The following TFAP2D variants were observed in gnomAD, a reference collection of about 807,000 sequenced individuals.
TFAP2D encodes the protein transcription factor AP-2-delta.
In TFAP2D, 9 loss-of-function variants were observed where a neutral mutation model predicts 43.6. The observed-to-expected ratio is 0.21, with a 90% confidence interval of 0.12 to 0.36. The LOEUF (loss-of-function observed/expected upper bound fraction) is 0.36, where lower values mean the gene tolerates loss of function less well. Ranked by LOEUF, TFAP2D falls within the 10% of genes least tolerant of loss-of-function variation. The probability of loss-of-function intolerance (pLI) is 1.00; values close to 1 mark genes in which losing one functional copy is unlikely to be tolerated. For synonymous variants in TFAP2D, 256 were observed against 224.9 expected, an observed-to-expected ratio of 1.14 and a Z score of -1.24; for missense variants, 513 against 561.4, an observed-to-expected ratio of 0.91 and a Z score of 0.87.
At position 50,766,654 on chromosome 6, in the gene TFAP2D, C is replaced by CTTTTTTTTTTTTTTTT. The variant is rs763018088; in HGVS notation, c.1140-5981_1140-5966dup. ...CCTTTTGATACCATGAGATTGCTTT[C>CTTTTTTTTTTTTTTTT]TTTTTTTTTTTTTTTTTTTTTTTTT... On this transcript the variant is annotated intron_variant, in intron 7 of 7. Coordinates refer to ENST00000008391, the MANE Select transcript of TFAP2D (RefSeq NM_172238.4). 1.4e-4 allele frequency among the ~76,000 whole-genome samples: 8 copies of CTTTTTTTTTTTTTTTT among 57,388 alleles called. 2 individuals are homozygous for CTTTTTTTTTTTTTTTT. Among genetic ancestry groups the CTTTTTTTTTTTTTTTT allele is most frequent in the Non-Finnish European group, 2.1e-4 (6 of 28,476 alleles). The allele number at this position is 57,388 out of a possible 152,430, so 37.6% of individuals were successfully genotyped here. A position where few individuals can be genotyped will look rare whatever the true frequency, so the allele number is the denominator to read the frequency against.
chr6:50,726,418 C>CAG (rs1172648998), intron 3 of TFAP2D, among the ~76,000 whole-genome samples: 4 of 152,184 alleles, frequency 2.6e-5, no homozygotes, highest in African/African-American at 9.7e-5. Context: ...TTATCATAAA[C>CAG]TTGAAGCTAA....
At chr6:50,763,232 C>A (rs1769390028) in intron 7 of TFAP2D, among the ~76,000 whole-genome samples, 1 of 152,090 alleles carries the variant, frequency 6.6e-6, no homozygotes, top group African/African-American at 2.4e-5. Context: ...AGCTAAAAAT[C>A]TATGATGCCT....
At chr6:50,747,590 A>G (rs917169038) in intron 6 of TFAP2D, among the ~76,000 whole-genome samples, 1 of 152,108 alleles carries the variant, frequency 6.6e-6, no homozygotes, top group Non-Finnish European at 1.5e-5. Context: ...GGAAGTATTC[A>G]CCACTACCAT....
At chr6:50,736,973 G>A (rs1317830748) in intron 5 of TFAP2D, among the ~76,000 whole-genome samples, 1 of 151,146 alleles carries the variant, frequency 6.6e-6, no homozygotes, top group Non-Finnish European at 1.5e-5. Flanking sequence ...TCCTTTTTTT[G>A]TTTTTTGTTT....
chr6:50,715,871 G>A (rs1381621809), intron 2 of TFAP2D, among the ~76,000 whole-genome samples: 1 of 152,098 alleles, frequency 6.6e-6, no homozygotes, highest in Non-Finnish European at 1.5e-5. Context: ...GGAAGTGCGG[G>A]AGTCCGGGCG....
intron 5 of TFAP2D, among the ~76,000 whole-genome samples, chr6:50,735,021 T>C (rs1324461870): frequency 6.6e-6 from 1 of 152,142 alleles, no homozygotes; most frequent in East Asian, 1.9e-4. Context: ...ACATAACTTG[T>C]CTGAGCATAA....
intron 7 of TFAP2D, 74 bp from the exon 8 acceptor site, chr6:50,772,571 T>C: frequency 7.7e-7 from 1 of 1,292,724 alleles, no homozygotes; most frequent in Non-Finnish European, 1.1e-6. Context: ...TTCTGAATTA[T>C]ATGGAGAGAT....
intron 5 of TFAP2D, among the ~76,000 whole-genome samples, chr6:50,737,900 T>A (rs1768985576): frequency 1.3e-5 from 2 of 152,184 alleles, no homozygotes; most frequent in South Asian, 4.1e-4. Context: ...GTTCCACAGA[T>A]ATGCAAGTAC....
At chr6:50,738,761 C>A (rs577275010) in intron 5 of TFAP2D, among the ~76,000 whole-genome samples, 1 of 152,190 alleles carries the variant, frequency 6.6e-6, no homozygotes, top group Non-Finnish European at 1.5e-5. Flanking sequence ...ATCTCTACTT[C>A]TACTACCACA....
chr6:50,769,454 C>A (rs971586630), intron 7 of TFAP2D, among the ~76,000 whole-genome samples: 5 of 152,130 alleles, frequency 3.3e-5, no homozygotes, highest in Non-Finnish European at 4.4e-5. Context: ...ATGATCAGAT[C>A]CATATTTTGG....
intron 7 of TFAP2D, among the ~76,000 whole-genome samples, chr6:50,766,885 G>T (rs1371492825): frequency 2.0e-5 from 3 of 151,616 alleles, no homozygotes; most frequent in African/African-American, 7.3e-5. Flanking sequence ...AGCCAGGATG[G>T]TCTCGATCTC....
chr6:50,733,064 C>T (rs191150191), intron 5 of TFAP2D, among the ~76,000 whole-genome samples: 79 of 152,018 alleles, frequency 5.2e-4, no homozygotes, highest in African/African-American at 1.8e-3. Context: ...ATTGTACCTA[C>T]GAACTAATAG....
intron 1 of TFAP2D, among the ~76,000 whole-genome samples, chr6:50,714,649 C>T (rs1435762977): frequency 6.6e-6 from 1 of 152,086 alleles, no homozygotes; most frequent in Non-Finnish European, 1.5e-5. Flanking sequence ...CATAGACAGG[C>T]GCAGAATTTC....
intron 6 of TFAP2D, among the ~76,000 whole-genome samples, chr6:50,749,141 T>C (rs1164041436): frequency 6.6e-6 from 1 of 151,716 alleles, no homozygotes; most frequent in Non-Finnish European, 1.5e-5. Flanking sequence ...TGAAAGTGAG[T>C]GAGTTAAGCT....
chr6:50,743,128 T>C (rs889526432), intron 5 of TFAP2D, among the ~76,000 whole-genome samples: 4 of 152,134 alleles, frequency 2.6e-5, no homozygotes, highest in Admixed American at 1.3e-4. Context: ...CTATTTAAAA[T>C]AGAAGAAAAA....
At chr6:50,748,982 T>C (rs1404547859) in intron 6 of TFAP2D, among the ~76,000 whole-genome samples, 1 of 151,808 alleles carries the variant, frequency 6.6e-6, no homozygotes, top group Admixed American at 6.6e-5. Flanking sequence ...AGATGTAAGA[T>C]TGTTTCTTTT....
chr6:50,714,183 C>T, intron 1 of TFAP2D, 89 bp downstream of exon 1: 3 of 1,288,190 alleles, frequency 2.3e-6, no homozygotes, highest in Non-Finnish European at 1.1e-6. Context: ...CGGTGGCAGC[C>T]TCCCCTGTCT....
intron 3 of TFAP2D, among the ~76,000 whole-genome samples, chr6:50,722,521 C>T (rs1404612824): frequency 2.0e-5 from 3 of 151,588 alleles, no homozygotes; most frequent in Non-Finnish European, 4.4e-5. Context: ...CTTTTTTTCC[C>T]CCCTGAATCT....
intron 1 of TFAP2D, 112 bp from the exon 2 acceptor site, chr6:50,715,004 G>T (rs976320588): frequency 5.3e-5 from 75 of 1,419,882 alleles, no homozygotes; most frequent in Middle Eastern, 2.5e-4. Context: ...CTACGCGCTC[G>T]CTTTCCTTGG....
Sources: gnomAD v4.1 joint callset for allele counts (sites outside exome capture counted in the v4.1 genomes callset) on GRCh38, gnomAD v4.1.1 for gene constraint, MANE v1.5 for transcripts, NCBI Gene and HGNC (gene_info 2026-07-23, HGNC 2026-07-21) for gene names.